The following ZNF385D variants were observed in gnomAD, a reference collection of about 807,000 sequenced individuals.
ZNF385D encodes zinc finger protein 385D, also known as zinc finger protein 659.
In ZNF385D, 15 loss-of-function variants were observed where a neutral mutation model predicts 35.8. The ratio of observed to expected loss-of-function variants is 0.42; its 90% CI spans 0.28 to 0.64. The LOEUF is 0.64. Ranked by LOEUF, ZNF385D falls within the 30% of genes least tolerant of loss-of-function variation. The pLI, the probability that ZNF385D is intolerant of heterozygous loss-of-function variation, is 0.23. For synonymous variants in ZNF385D, 212 were observed against 186.8 expected (o/e 1.13, Z -1.10); for missense variants, 474 against 494.6 (o/e 0.96, Z 0.39).
intron 1 of ZNF385D, among the ~76,000 whole-genome samples, chr3:21,703,207 G>T (rs910451807): frequency 1.3e-5 from 2 of 152,130 alleles, no homozygotes; most frequent in African/African-American, 4.8e-5. Context: ...GAGGTGAAAG[G>T]CACTTCTTAC....
chr3:21,687,740 A>T (rs2067152335), intron 1 of ZNF385D, among the ~76,000 whole-genome samples: 1 of 152,202 alleles, frequency 6.6e-6, no homozygotes, highest in Non-Finnish European at 1.5e-5. Context: ...CTAAGGCAAA[A>T]GGTGGATCTA....
chr3:21,798,147 T>A (rs113455638), intron 3 of ZNF385D, among the ~76,000 whole-genome samples: 7 of 152,206 alleles, frequency 4.6e-5, no homozygotes, highest in South Asian at 2.1e-4. Flanking sequence ...ATATGGGAAA[T>A]CTCTGTACCT....
intron 3 of ZNF385D, among the ~76,000 whole-genome samples, chr3:21,978,026 T>C (rs531213707): frequency 1.3e-5 from 2 of 152,158 alleles, no homozygotes; most frequent in Non-Finnish European, 2.9e-5. Flanking sequence ...CAGATATTAA[T>C]AGTGACACTA....
intron 2 of ZNF385D, among the ~76,000 whole-genome samples, chr3:22,263,053 C>T (rs1559485993): frequency 6.6e-6 from 1 of 151,954 alleles, no homozygotes; most frequent in African/African-American, 2.4e-5. Context: ...TATCATCACC[C>T]CCAGTTCCAG....
chr3:21,521,411 TTAGAGA>T (rs1346784594), intron 3 of ZNF385D, among the ~76,000 whole-genome samples: 1 of 152,184 alleles, frequency 6.6e-6, no homozygotes, highest in African/African-American at 2.4e-5. Flanking sequence ...TACTGATGAA[TTAGAGA>T]TAGAGTGGTG....
intron 1 of ZNF385D, among the ~76,000 whole-genome samples, chr3:21,674,235 C>T (rs2066657220): frequency 6.6e-6 from 1 of 151,942 alleles, no homozygotes; most frequent in African/African-American, 2.4e-5. Flanking sequence ...CTTTACGAGC[C>T]ATTTAAGTGC....
chr3:21,783,918 C>G (rs910329358), intron 3 of ZNF385D, among the ~76,000 whole-genome samples: 7 of 152,106 alleles, frequency 4.6e-5, no homozygotes, highest in African/African-American at 1.7e-4. Flanking sequence ...TATGACAAGA[C>G]TAAAAATACA....
chr3:21,835,914 A>G (rs2125774914), intron 3 of ZNF385D, among the ~76,000 whole-genome samples: 1 of 152,230 alleles, frequency 6.6e-6, no homozygotes, highest in East Asian at 1.9e-4. Flanking sequence ...TATTCCAAAT[A>G]TGATTTTTAA....
intron 3 of ZNF385D, among the ~76,000 whole-genome samples, chr3:21,538,673 G>A (rs915834570): frequency 1.3e-5 from 2 of 152,050 alleles, no homozygotes; most frequent in Admixed American, 6.6e-5. Flanking sequence ...CAAATGTTCT[G>A]CCAACATGTA....
At chr3:22,079,150 C>A (rs930472080) in intron 3 of ZNF385D, among the ~76,000 whole-genome samples, 1 of 151,930 alleles carries the variant, frequency 6.6e-6, no homozygotes, top group Non-Finnish European at 1.5e-5. Flanking sequence ...TACTGGTAAC[C>A]TACATTAGCC....
rs1173335046 is a variant in ZNF385D at position 21,684,382 on chromosome 3, CTCTCTCTCTCTCTCTCTCTCTCCT to C, written c.23-19378_23-19355del. Among the ~76,000 whole-genome samples, 3 of 85,438 alleles carry C rather than the reference CTCTCTCTCTCTCTCTCTCTCTCCT, an allele frequency of 3.5e-5. 1 individual carries two copies. Among genetic ancestry groups the C allele is most frequent in the African/African-American group, 1.8e-4 (3 of 17,134 alleles). 56.1% of individuals were successfully genotyped at this position (85,438 alleles called of 152,430 possible). On this transcript the variant is annotated intron_variant, in intron 1 of 7. Transcript: ENST00000281523. ...ACTGTTCTCCTCTCTCTCTCTCTCT[CTCTCTCTCTCTCTCTCTCTCTCCT>C]CTCTCTCTCTCTCTCTCTCTCTCTC...
At chr3:22,139,699 G>T (rs1382685999) in intron 3 of ZNF385D, among the ~76,000 whole-genome samples, 1 of 151,928 alleles carries the variant, frequency 6.6e-6, no homozygotes, top group African/African-American at 2.4e-5. Context: ...ACACCGACAT[G>T]GCACATGTAT....
intron 1 of ZNF385D, among the ~76,000 whole-genome samples, chr3:21,728,216 A>T (rs772723500): frequency 3.3e-5 from 5 of 151,828 alleles, no homozygotes; most frequent in Non-Finnish European, 7.4e-5. Context: ...GCAAACCACC[A>T]TGTCACGTGT....
intron 3 of ZNF385D, among the ~76,000 whole-genome samples, chr3:21,984,051 G>A (rs1280903713): frequency 7.4e-6 from 1 of 135,450 alleles, no homozygotes; most frequent in African/African-American, 3.1e-5. Context: ...GTTCATTGTA[G>A]ATTCTGGATA....
chr3:21,700,133 G>C (rs2067624801), intron 1 of ZNF385D, among the ~76,000 whole-genome samples: 1 of 152,058 alleles, frequency 6.6e-6, no homozygotes, highest in African/African-American at 2.4e-5. Flanking sequence ...ACTGCTCTCA[G>C]CCCCCTATGT....
Position 21,850,279 on chromosome 3 carries a change from T to G in ZNF385D, c.326-185251A>C, listed in dbSNP as rs145560516. 4.5e-3 allele frequency among the ~76,000 whole-genome samples: 690 copies of G among 152,222 alleles called. 8 individuals carry two copies. The highest frequency in any genetic ancestry group is 0.015 in the African/African-American group (627 of 41,562). On this transcript the variant is annotated intron_variant, in intron 3 of 5. Transcript: ENST00000494108. ...TGGATAATTCTTTAAACAATTATTT[T>G]CCAACATTGCACAGAAAGAAATATG...
At chr3:22,009,717 T>C (rs1490879501) in intron 3 of ZNF385D, among the ~76,000 whole-genome samples, 1 of 152,020 alleles carries the variant, frequency 6.6e-6, no homozygotes, top group Non-Finnish European at 1.5e-5. Flanking sequence ...AATATGCAAG[T>C]TGAATATTAA....
At chr3:22,093,532 T>A (rs910546294) in intron 3 of ZNF385D, among the ~76,000 whole-genome samples, 1 of 152,006 alleles carries the variant, frequency 6.6e-6, no homozygotes, top group African/African-American at 2.4e-5. Flanking sequence ...CAAAAAACAG[T>A]TTGAAAACTA....
At chr3:21,935,740 T>G (rs1007810196) in intron 3 of ZNF385D, among the ~76,000 whole-genome samples, 2 of 24,726 alleles carry the variant, frequency 8.1e-5, no homozygotes, top group African/African-American at 5.4e-4. Flanking sequence ...AAAGGCAGAG[T>G]AGATACAACA....
Sources: gnomAD v4.1 joint callset for allele counts (sites outside exome capture counted in the v4.1 genomes callset) on GRCh38, gnomAD v4.1.1 for gene constraint, MANE v1.5 for transcripts, NCBI Gene and HGNC (gene_info 2026-07-23, HGNC 2026-07-21) for gene names.